The following TNR variants were observed in gnomAD, a reference collection of about 807,000 sequenced individuals.
The protein encoded by TNR is tenascin R.
A neutral mutation model predicts 150.4 loss-of-function variants in TNR; 45 were observed. The ratio of observed to expected loss-of-function variants is 0.30; its 90% CI spans 0.24 to 0.38. The LOEUF (loss-of-function observed/expected upper bound fraction) is 0.38, where lower values mean the gene tolerates loss of function less well. Ranked by LOEUF, TNR falls within the 10% of genes least tolerant of loss-of-function variation. The pLI, the probability that TNR is intolerant of heterozygous loss-of-function variation, is 1.00. For synonymous variants in TNR, 687 were observed against 678.4 expected, an observed-to-expected ratio of 1.01 and a Z score of -0.20; for missense variants, 1,544 against 1,759.1, an observed-to-expected ratio of 0.88 and a Z score of 2.19.
chr1:175,325,236 G>A (rs186707974), intron 21 of TNR, among the ~76,000 whole-genome samples: 219 of 152,266 alleles, frequency 1.4e-3, no homozygotes, highest in Non-Finnish European at 1.6e-3. Flanking sequence ...TGGAGATGAA[G>A]ACATTTATGC....
At chr1:175,535,254 G>T (rs1660228418) in intron 1 of TNR, among the ~76,000 whole-genome samples, 3 of 152,148 alleles carry the variant, frequency 2.0e-5, no homozygotes, top group African/African-American at 7.2e-5. Context: ...GTCCCTCCAA[G>T]TGAAGAAGTT....
chr1:175,653,944 T>C (rs1159602154), intron 1 of TNR, among the ~76,000 whole-genome samples: 1 of 152,230 alleles, frequency 6.6e-6, no homozygotes, highest in Non-Finnish European at 1.5e-5. Context: ...CTTGTGTAAG[T>C]ACCATTTATA....
intron 2 of TNR, among the ~76,000 whole-genome samples, chr1:175,452,940 G>A (rs1032962350): frequency 1.3e-5 from 2 of 152,140 alleles, no homozygotes; most frequent in African/African-American, 4.8e-5. Flanking sequence ...TGTGGAGGGA[G>A]AGAAGCCCTT....
intron 18 of TNR, among the ~76,000 whole-genome samples, chr1:175,338,824 A>G (rs1465365976): frequency 6.6e-6 from 1 of 152,192 alleles, no homozygotes. Context: ...ATAGATCACC[A>G]GTGAAGCCTC....
chr1:175,332,530 C>A lies in TNR; in HGVS notation c.3632-2295G>T, dbSNP rs145141390. Among the ~76,000 whole-genome samples, 9 of 152,278 alleles carry A rather than the reference C, an allele frequency of 5.9e-5. No homozygotes were observed. In the South Asian group the frequency reaches 1.7e-3, roughly 28 times the overall value. ...AGTATTGCTTCCAAACTACACCACA[C>A]CAGGCCTAGCATCTTCAAGAGCCCT... On this transcript the variant is annotated intron_variant, in intron 20 of 22. Transcript: ENST00000367674.
In TNR at chr1:175,359,567, C is replaced by G. The variant is rs772670811; in HGVS notation, c.2974+45G>C. On this transcript the variant is annotated intron_variant, in intron 15 of 22. Transcript: ENST00000367674. Reference sequence around the variant, plus strand: ...ATCATACTGGTCTGCAGCTCCAATTCCCACCATTCCCACCTGCCTGATCTG... The same window carrying G: ...ATCATACTGGTCTGCAGCTCCAATTGCCACCATTCCCACCTGCCTGATCTG... 3 of 1,612,060 alleles carry G rather than the reference C, an allele frequency of 1.9e-6. No homozygotes were observed. In the East Asian group the frequency reaches 6.7e-5, roughly 36 times the overall value.
intron 2 of TNR, 78 bp from the exon 3 acceptor site, chr1:175,406,855 C>T (rs886910507): frequency 8.8e-7 from 1 of 1,132,012 alleles, no homozygotes; most frequent in Non-Finnish European, 1.2e-6. Context: ...GCCTACAAAG[C>T]TCAGGAGTAG....
intron 1 of TNR, among the ~76,000 whole-genome samples, chr1:175,650,553 A>G (rs1664929014): frequency 1.3e-5 from 2 of 151,618 alleles, no homozygotes; most frequent in Admixed American, 6.6e-5. Context: ...AACACTAAAT[A>G]TGGGAACAAT....
intron 2 of TNR, among the ~76,000 whole-genome samples, chr1:175,438,307 G>A (rs1278134619): frequency 2.0e-5 from 3 of 152,112 alleles, no homozygotes; most frequent in African/African-American, 7.2e-5. Context: ...ATGTAGAAAA[G>A]GCCTTTGACA....
intron 1 of TNR, among the ~76,000 whole-genome samples, chr1:175,681,586 G>A (rs1319240182): frequency 1.3e-5 from 2 of 152,194 alleles, no homozygotes; most frequent in African/African-American, 2.4e-5. Flanking sequence ...GCTCCTTCCT[G>A]TCTCCTGCCC....
At chr1:175,465,418 C>T (rs1656989029) in intron 2 of TNR, among the ~76,000 whole-genome samples, 1 of 152,144 alleles carries the variant, frequency 6.6e-6, no homozygotes, top group Admixed American at 6.5e-5. Flanking sequence ...ATGACAAATG[C>T]TTAAGTAGAT....
chr1:175,642,393 C>A (rs1369105814), intron 1 of TNR, among the ~76,000 whole-genome samples: 1 of 152,170 alleles, frequency 6.6e-6, no homozygotes, highest in East Asian at 1.9e-4. Context: ...CAGGGAGTCA[C>A]AGGAGATTCT....
chr1:175,477,360 A>G (rs1201571221), intron 2 of TNR, among the ~76,000 whole-genome samples: 1 of 152,124 alleles, frequency 6.6e-6, no homozygotes, highest in Non-Finnish European at 1.5e-5. Flanking sequence ...GGGTTGTAAC[A>G]TTTATCTTTT....
chr1:175,691,839 A>G (rs1276795690), intron 1 of TNR, among the ~76,000 whole-genome samples: 2 of 152,118 alleles, frequency 1.3e-5, no homozygotes, highest in African/African-American at 2.4e-5. Context: ...ATATTCCCAC[A>G]TGCATTCCGT....
chr1:175,594,605 A>G (rs1662931623), intron 1 of TNR, among the ~76,000 whole-genome samples: 1 of 152,196 alleles, frequency 6.6e-6, no homozygotes, highest in South Asian at 2.1e-4. Flanking sequence ...CTGTAATCGC[A>G]ATACTTTGGG....
chr1:175,439,686 C>A (rs916552867), intron 2 of TNR, among the ~76,000 whole-genome samples: 4 of 152,052 alleles, frequency 2.6e-5, no homozygotes, highest in African/African-American at 9.7e-5. Flanking sequence ...CAAGAAAAAA[C>A]AAACAACCCC....
chr1:175,718,107 T>A (rs1182951994), intron 1 of TNR, among the ~76,000 whole-genome samples: 5 of 152,170 alleles, frequency 3.3e-5, no homozygotes, highest in Non-Finnish European at 5.9e-5. Context: ...TAAAATGTAT[T>A]TTTCAAGAGA....
intron 1 of TNR, among the ~76,000 whole-genome samples, chr1:175,691,152 C>G (rs1432372535): frequency 6.6e-6 from 1 of 152,164 alleles, no homozygotes; most frequent in Non-Finnish European, 1.5e-5. Flanking sequence ...GGTGTCCAGT[C>G]CTATCCACAC....
chr1:175,367,367 G>A (rs771152358), intron 9 of TNR, 70 bp from the exon 10 acceptor site: 75 of 1,314,104 alleles, frequency 5.7e-5, no homozygotes, highest in Non-Finnish European at 8.0e-5. Context: ...AAAGTGGGAA[G>A]AAAATGATCT....
Sources: allele counts gnomAD v4.1 joint callset (sites outside exome capture counted in the v4.1 genomes callset), GRCh38; gene constraint gnomAD v4.1.1; transcripts MANE v1.5; gene names NCBI Gene and HGNC (gene_info 2026-07-23, HGNC 2026-07-21).